WWC2: variants seen among roughly 807,000 people sequenced by gnomAD.
WWC2 encodes the protein WW and C2 domain containing 2.
WWC2 carries 101 observed loss-of-function variants against 138.5 expected under a neutral mutation model. That is an observed-to-expected ratio of 0.73 (90% CI 0.62 to 0.86). The LOEUF (loss-of-function observed/expected upper bound fraction) is 0.86. WWC2 is among the 40% of genes least tolerant of loss of function. WWC2 has a pLI of 0.00. For missense variants in WWC2, 1,420 were observed against 1,419.4 expected, an observed-to-expected ratio of 1.00 and a Z score of -0.01; for synonymous variants, 558 against 538.4, an observed-to-expected ratio of 1.04 and a Z score of -0.50.
intron 1 of WWC2, among the ~76,000 whole-genome samples, chr4:183,151,851 G>A (rs1353730505): frequency 2.6e-5 from 4 of 152,192 alleles, no homozygotes; most frequent in Non-Finnish European, 5.9e-5. Context: ...GATGGTTGTA[G>A]ATGTGTGGTG....
chr4:183,102,775 T>G (rs1272036827), intron 1 of WWC2, among the ~76,000 whole-genome samples: 3 of 152,064 alleles, frequency 2.0e-5, no homozygotes, highest in Non-Finnish European at 4.4e-5. Flanking sequence ...ATTTTGTAGG[T>G]TTACCCCCTC....
chr4:183,206,777 G>A (rs566476621), intron 2 of WWC2, among the ~76,000 whole-genome samples: 9 of 152,258 alleles, frequency 5.9e-5, no homozygotes, highest in South Asian at 2.1e-4. Context: ...AAAACTGTCC[G>A]TTCTCTTGTA....
intron 21 of WWC2, among the ~76,000 whole-genome samples, chr4:183,301,380 A>G (rs1032596129): frequency 2.0e-5 from 3 of 152,204 alleles, no homozygotes; most frequent in Non-Finnish European, 4.4e-5. Context: ...TCAAGAGAGA[A>G]CTGTTACTTA....
chr4:183,133,428 G>T (rs889216616), intron 1 of WWC2, among the ~76,000 whole-genome samples: 4 of 151,944 alleles, frequency 2.6e-5, no homozygotes, highest in Non-Finnish European at 5.9e-5. Flanking sequence ...TAAGTGTTCT[G>T]ATTTTTTTTT....
At chr4:183,145,372 A>C (rs2111104684) in intron 1 of WWC2, among the ~76,000 whole-genome samples, 1 of 152,354 alleles carries the variant, frequency 6.6e-6, no homozygotes, top group South Asian at 2.1e-4. Context: ...AGATGATAGA[A>C]CAACAGTATT....
At chr4:183,124,534 C>CTTTTTTTTTTTTTTT (rs1732699153) in intron 1 of WWC2, among the ~76,000 whole-genome samples, 1 of 140,888 alleles carries the variant, frequency 7.1e-6, no homozygotes, top group Non-Finnish European at 1.5e-5. Flanking sequence ...TTTCCTTTTT[C>CTTTTTTTTTTTTTTT]TCTTTTTTTT....
intron 4 of WWC2, among the ~76,000 whole-genome samples, chr4:183,227,320 T>A (rs1441140701): frequency 6.6e-6 from 1 of 152,114 alleles, no homozygotes; most frequent in Non-Finnish European, 1.5e-5. Context: ...GACAGATGGT[T>A]GTGCCTCCAG....
chr4:183,179,332 G>T lies in WWC2; in HGVS notation c.132-14267G>T, dbSNP rs1047392064. 2.6e-5 allele frequency among the ~76,000 whole-genome samples: 4 copies of T among 152,188 alleles called. No homozygotes were observed. In the South Asian group the frequency reaches 8.3e-4, roughly 32 times the overall value. ...TACTTTACAAGGAGGGTATATCCAT[G>T]TATTTTTTAACTAAAATCTTATATT... is the stretch of plus-strand genomic sequence containing the variant. On this transcript the variant is annotated intron_variant, in intron 1 of 22. Transcript: ENST00000403733.
chr4:183,250,561 G>A (rs1447633476), intron 8 of WWC2, among the ~76,000 whole-genome samples: 2 of 151,762 alleles, frequency 1.3e-5, no homozygotes, highest in African/African-American at 4.8e-5. Context: ...CTTACTTTGT[G>A]ATTCTGCTGG....
chr4:183,189,073 A>G (rs1458741471), intron 1 of WWC2, among the ~76,000 whole-genome samples: 1 of 151,984 alleles, frequency 6.6e-6, no homozygotes, highest in African/African-American at 2.4e-5. Context: ...TGTTGCCTCC[A>G]TCCACTGTTT....
At chr4:183,206,549 A>C (rs2111236522) in intron 2 of WWC2, among the ~76,000 whole-genome samples, 1 of 152,382 alleles carries the variant, frequency 6.6e-6, no homozygotes, top group Non-Finnish European at 1.5e-5. Flanking sequence ...GAAATAACAT[A>C]GTTTAACAAA....
chr4:183,243,737 C>CTGTGTGTG lies in WWC2; in HGVS notation c.603-1632_603-1625dup, dbSNP rs56654737. Among the ~76,000 whole-genome samples the CTGTGTGTG allele has an allele frequency of 1.9e-3, 252 of 129,974 alleles. 1 individual carries two copies. The highest frequency in any genetic ancestry group is 5.3e-3 in the South Asian group (18 of 3,376). The allele number at this position is 129,974 out of a possible 152,430, so 85.3% of individuals were successfully genotyped here. A position where few individuals can be genotyped will look rare whatever the true frequency, so the allele number is the denominator to read the frequency against. ...TTAGGGGCCCTCCCCATTCTAAACA[C>CTGTGTGTG]TGTGTGTGTGTGTGTGTGTGTGTGT... On this transcript the variant is annotated intron_variant, in intron 5 of 22. Transcript: ENST00000403733.
chr4:183,148,501 A>C (rs79763392), intron 1 of WWC2, among the ~76,000 whole-genome samples: 1 of 152,188 alleles, frequency 6.6e-6, no homozygotes, highest in Non-Finnish European at 1.5e-5. Flanking sequence ...ACTGAATTCT[A>C]TGAGTATGTT....
At position 183,165,597 on chromosome 4, in the gene WWC2, A is replaced by G. The variant is rs556133955; in HGVS notation, c.132-28002A>G. Among the ~76,000 whole-genome samples, 103 of 152,258 alleles carry G rather than the reference A, an allele frequency of 6.8e-4. 2 individuals carry two copies. In the Middle Eastern group the frequency reaches 0.01, roughly 15 times the overall value. On this transcript the variant is annotated intron_variant, in intron 1 of 22. Transcript: ENST00000403733. ...GGAAATCTCAGCAGAATGCTTTTAGATATTTCCTGTTACATAAATGCTACA... is the reference window on the plus strand; with the variant it reads ...GGAAATCTCAGCAGAATGCTTTTAGGTATTTCCTGTTACATAAATGCTACA...
chr4:183,137,423 A>G (rs772315984), intron 1 of WWC2, among the ~76,000 whole-genome samples: 2 of 152,006 alleles, frequency 1.3e-5, no homozygotes, highest in Non-Finnish European at 2.9e-5. Context: ...GCTCAAACAA[A>G]CACACACATT....
chr4:183,137,891 T>C (rs1427621795), intron 1 of WWC2, among the ~76,000 whole-genome samples: 2 of 152,234 alleles, frequency 1.3e-5, no homozygotes, highest in African/African-American at 4.8e-5. Flanking sequence ...TTGTTTCTTT[T>C]GATTCTTGTT....
chr4:183,285,450 C>T (rs1211757132), intron 19 of WWC2, among the ~76,000 whole-genome samples: 1 of 152,040 alleles, frequency 6.6e-6, no homozygotes, highest in Non-Finnish European at 1.5e-5. Flanking sequence ...TTTTAATAGC[C>T]ACTACCAAAA....
rs1561412938 is a variant in WWC2 at position 183,099,444 on chromosome 4, C to G, written c.-48C>G. ...CGGCAGCCGCGTTCCCGCCGCGTCCCGCGCCCGGTACCTATGGAGGCGCCG... is the reference window on the plus strand; with the variant it reads ...CGGCAGCCGCGTTCCCGCCGCGTCCGGCGCCCGGTACCTATGGAGGCGCCG... On this transcript the variant is annotated 5_prime_UTR_variant, in exon 1 of 23. Transcript: ENST00000403733. The G allele has an allele frequency of 3.3e-6, 4 of 1,209,600 alleles. No homozygotes were observed. The South Asian group carries it at 1.1e-4, about 33-fold the overall frequency. 74.9% of individuals were successfully genotyped at this position (1,209,600 alleles called of 1,614,324 possible). A position where few individuals can be genotyped will look rare whatever the true frequency, so the allele number is the denominator to read the frequency against.
At chr4:183,288,860 G>C (rs1233137826) in intron 20 of WWC2, among the ~76,000 whole-genome samples, 3 of 152,168 alleles carry the variant, frequency 2.0e-5, no homozygotes, top group Non-Finnish European at 4.4e-5. Context: ...GCTGTATTCA[G>C]GCTGACTGTC....
Sources: gnomAD v4.1 joint callset for allele counts (sites outside exome capture counted in the v4.1 genomes callset) on GRCh38, gnomAD v4.1.1 for gene constraint, MANE v1.5 for transcripts, NCBI Gene and HGNC (gene_info 2026-07-23, HGNC 2026-07-21) for gene names.